ZFHX3: variants seen among roughly 807,000 people sequenced by gnomAD.
ZFHX3 encodes zinc finger homeobox protein 3.
In ZFHX3, 42 loss-of-function variants were observed where a neutral mutation model predicts 279.1. That is an observed-to-expected ratio of 0.15 (90% confidence interval 0.12 to 0.19). The LOEUF (loss-of-function observed/expected upper bound fraction) is 0.19, where lower values mean the gene tolerates loss of function less well. Ranked by LOEUF, ZFHX3 falls within the 10% of genes least tolerant of loss-of-function variation. The pLI, the probability that ZFHX3 is intolerant of heterozygous loss-of-function variation, is 1.00. For synonymous variants in ZFHX3, 2,293 were observed against 1,957.8 expected, an observed-to-expected ratio of 1.17 and a Z score of -4.52; for missense variants, 4,981 against 4,754.0, an observed-to-expected ratio of 1.05 and a Z score of -1.40.
intron 3 of ZFHX3, among the ~76,000 whole-genome samples, chr16:72,940,367 T>A (rs1960353141): frequency 6.6e-6 from 1 of 151,970 alleles, no homozygotes; most frequent in African/African-American, 2.4e-5. Flanking sequence ...CACAGGGAAA[T>A]CTGGGAAATC....
intron 3 of ZFHX3, among the ~76,000 whole-genome samples, chr16:73,434,050 C>T (rs2017955454): frequency 6.6e-6 from 1 of 152,170 alleles, no homozygotes; most frequent in South Asian, 2.1e-4. Flanking sequence ...CTTGACCTGA[C>T]CTTTGTAACT....
intron 4 of ZFHX3, among the ~76,000 whole-genome samples, chr16:72,869,272 T>C (rs1399875736): frequency 1.3e-5 from 2 of 152,178 alleles, no homozygotes; most frequent in Non-Finnish European, 2.9e-5. Flanking sequence ...CTGTGAGCTC[T>C]TGCACAGTTA....
intron 2 of ZFHX3, among the ~76,000 whole-genome samples, chr16:73,581,651 G>A (rs370116721): frequency 3.5e-5 from 5 of 141,744 alleles, no homozygotes; most frequent in African/African-American, 1.3e-4. Flanking sequence ...ATAAAACTTC[G>A]AATGTCTCTT....
intron 1 of ZFHX3, chr16:73,794,133 G>A (rs1381463573): frequency 6.6e-6 from 1 of 152,208 alleles, no homozygotes. Flanking sequence ...ATCTTTTTAG[G>A]TTAAAGGCCA....
Position 73,452,774 on chromosome 16 carries a change from T to G in ZFHX3, c.-1291+3229A>C, listed in dbSNP as rs115989169. Among the ~76,000 whole-genome samples the G allele has an allele frequency of 7.1e-3, 1,086 of 152,264 alleles. 15 individuals are homozygous for G. The highest frequency in any genetic ancestry group is 0.024 in the African/African-American group (1,009 of 41,556). ...TAGAACAATAGGATTTCAAATGAAG[T>G]GAGGAATTGGGAGCAAGAAATTTTC... On this transcript the variant is annotated intron_variant, in intron 3 of 17. Coordinates refer to the ZFHX3 transcript ENST00000641206.
chr16:73,727,101 G>C (rs1310229273), intron 1 of ZFHX3, among the ~76,000 whole-genome samples: 1 of 152,200 alleles, frequency 6.6e-6, no homozygotes, highest in Non-Finnish European at 1.5e-5. Context: ...GGTGGATGTG[G>C]AACCAGTGGC....
At chr16:73,312,771 G>A (rs984828660) in intron 4 of ZFHX3, among the ~76,000 whole-genome samples, 1 of 152,170 alleles carries the variant, frequency 6.6e-6, no homozygotes, top group African/African-American at 2.4e-5. Flanking sequence ...GCATGCTCAA[G>A]GTCAACAGCT....
chr16:72,919,541 ATTT>A (rs1020144996), intron 3 of ZFHX3, among the ~76,000 whole-genome samples: 2 of 151,026 alleles, frequency 1.3e-5, no homozygotes, highest in Admixed American at 1.3e-4. Flanking sequence ...TGGTATCTTT[ATTT>A]TTAAGAAAGA....
In ZFHX3 at chr16:72,796,732, C is replaced by G. The variant is rs753599043; in HGVS notation, c.5950G>C (p.Glu1984Gln). ...AACAACTTGCCGCAGGAGTCACACT[C>G]GAGCTTTTCCAGGTTCTCTCCCTGG... ...TDQGENLEKLECDSCGKLFSN... is the reference protein window; with the variant it reads ...TDQGENLEKLQCDSCGKLFSN... The change falls in exon 9 of 10, where the codon GAG becomes CAG. Residue 1984 changes from glutamate to glutamine, a missense_variant. Physicochemically the swap from Glu to Gln is conservative, Grantham distance 29. This residue lies in a region of ZFHX3 where 1,751 missense variants were observed against 1,770.0 expected (regional missense o/e 0.99). Transcript: ENST00000268489. 3 of 1,613,832 alleles carry G rather than the reference C, an allele frequency of 1.9e-6. No homozygotes were observed. The highest frequency in any genetic ancestry group is 1.1e-5 in the South Asian group (1 of 91,042).
At chr16:73,192,552 T>G (rs1968065894) in intron 5 of ZFHX3, among the ~76,000 whole-genome samples, 1 of 152,212 alleles carries the variant, frequency 6.6e-6, no homozygotes. Context: ...CTAATGCGTC[T>G]GAGCTGTCTG....
rs16972701 is a variant in ZFHX3 at position 73,866,653 on chromosome 16, T to G, written c.-1608+24998A>C. Among the ~76,000 whole-genome samples, 1,888 of 152,330 alleles carry G rather than the reference T, an allele frequency of 0.012. 103 individuals carry two copies. In the East Asian group the frequency reaches 0.18, roughly 14 times the overall value. On this transcript the variant is annotated intron_variant, in intron 1 of 17. Coordinates refer to the ZFHX3 transcript ENST00000641206. ...TGTATTTATCTGTCCGGAATAGATT[T>G]GATTCTTGGAGTTAATTCTTCCTTT...
chr16:72,787,058 TTTTTTGG>T lies in ZFHX3; in HGVS notation c.*99_*105del. 2 of 1,165,342 alleles carry T rather than the reference TTTTTTGG, an allele frequency of 1.7e-6. No homozygotes were observed. Among genetic ancestry groups the T allele is most frequent in the Non-Finnish European group, 2.2e-6 (2 of 910,536 alleles). 72.2% of individuals were successfully genotyped at this position (1,165,342 alleles called of 1,614,324 possible). A position where few individuals can be genotyped will look rare whatever the true frequency, so the allele number is the denominator to read the frequency against. ...TTTTTTCTTTTTTTTTTTTTTTTTG[TTTTTTGG>T]TTAGAAGCTTTGGAATTGCAGTTAG... On this transcript the variant is annotated 3_prime_UTR_variant, in exon 10 of 10. Coordinates refer to ENST00000268489, the MANE Select transcript of ZFHX3 (RefSeq NM_006885.4).
At chr16:73,035,135 G>C (rs1034302209) in intron 1 of ZFHX3, among the ~76,000 whole-genome samples, 1 of 150,838 alleles carries the variant, frequency 6.6e-6, no homozygotes, top group Non-Finnish European at 1.5e-5. Context: ...TAAAAATACA[G>C]GACTCCAAAG....
intron 1 of ZFHX3, among the ~76,000 whole-genome samples, chr16:73,028,031 C>G (rs1452341361): frequency 1.3e-5 from 2 of 152,108 alleles, no homozygotes; most frequent in Non-Finnish European, 2.9e-5. Flanking sequence ...CTCCCACCTC[C>G]TCCCAGGCCG....
intron 1 of ZFHX3, among the ~76,000 whole-genome samples, chr16:73,012,999 C>T (rs1274355390): frequency 6.6e-6 from 1 of 152,200 alleles, no homozygotes; most frequent in African/African-American, 2.4e-5. Flanking sequence ...CCCCAGGACT[C>T]CTGGACTGCC....
rs2143470473 is a variant in ZFHX3, at chr16:72,798,681, G to A, written c.4001C>T (p.Pro1334Leu). ...TCCGCTTTGCTCTGTGCTTGCGGAT[G>A]GCAAGATGTTCTTTCCCAGATCCTC... ...TSEDLGKNILPSASTEQSGDL... is the reference protein window; with the variant it reads ...TSEDLGKNILLSASTEQSGDL... The change falls in exon 9 of 10, where the codon CCA becomes CTA. Residue 1334 changes from proline to leucine, a missense_variant. Around this residue, in one of 7 missense-constraint regions of ZFHX3, gnomAD observed 1,751 missense variants for 1,770.0 expected, o/e 0.99. Transcript: ENST00000268489. 6.4e-7 allele frequency: 1 copy of A among 1,573,594 alleles called. No homozygotes were observed. Among genetic ancestry groups the A allele is most frequent in the Admixed American group, 1.9e-5 (1 of 52,128 alleles).
At chr16:73,740,128 C>A (rs1181260778) in intron 1 of ZFHX3, among the ~76,000 whole-genome samples, 1 of 152,124 alleles carries the variant, frequency 6.6e-6, no homozygotes, top group African/African-American at 2.4e-5. Flanking sequence ...AAATGTCAAC[C>A]CCCAGGTATT....
intron 1 of ZFHX3, among the ~76,000 whole-genome samples, chr16:72,980,537 T>C (rs1229746252): frequency 4.0e-5 from 6 of 151,596 alleles, no homozygotes; most frequent in Non-Finnish European, 2.9e-5. Context: ...GACGGGCAGA[T>C]TGCTTGAGCC....
chr16:73,111,716 G>A (rs1215074195), intron 7 of ZFHX3, among the ~76,000 whole-genome samples: 1 of 150,866 alleles, frequency 6.6e-6, no homozygotes, highest in East Asian at 1.9e-4. Flanking sequence ...AAGAAAGAAA[G>A]GAAAGAAAAG....
Sources: gnomAD v4.1 joint callset for allele counts (sites outside exome capture counted in the v4.1 genomes callset) on GRCh38, gnomAD v4.1.1 for gene constraint, gnomAD v4.1.1 regional missense constraint, MANE v1.5 for transcripts, NCBI Gene and HGNC (gene_info 2026-07-23, HGNC 2026-07-21) for gene names.